Variants in HTR5A observed in about 807,000 individuals in gnomAD.
HTR5A encodes 5-HT-5.
A neutral mutation model predicts 24.3 loss-of-function variants in HTR5A; 21 were observed. The ratio of observed to expected loss-of-function variants is 0.86; its 90% CI spans 0.61 to 1.24. The LOEUF is 1.24. HTR5A is among the 50% of genes most tolerant of loss of function. HTR5A has a pLI of 0.00. For missense variants in HTR5A, 497 were observed against 489.5 expected (o/e 1.02, Z -0.15); for synonymous variants, 260 against 213.7 (o/e 1.22, Z -1.89).
In HTR5A at chr7:155,087,041, C is replaced by T. The variant is rs902142017; in HGVS notation, c.*2554C>T. Reference sequence around the variant, plus strand: ...CTCTTGTAGAATATGTCGAACAAAACGCACAGTTCTGCCCTCCTGCCTAAA... The same window carrying T: ...CTCTTGTAGAATATGTCGAACAAAATGCACAGTTCTGCCCTCCTGCCTAAA... On this transcript the variant is annotated 3_prime_UTR_variant, in exon 2 of 2. Transcript: ENST00000287907. Among the ~76,000 whole-genome samples the T allele has an allele frequency of 3.3e-5, 5 of 152,070 alleles. No homozygotes were observed. In the East Asian group the frequency reaches 5.8e-4, roughly 18 times the overall value.
At chr7:155,077,308 T>A (rs1300894388) in intron 1 of HTR5A, 1 of 152,196 alleles carries the variant, frequency 6.6e-6, no homozygotes, top group Admixed American at 6.5e-5. Flanking sequence ...CACACAGAAT[T>A]GTTAAAGATT....
chr7:155,082,256 A>G (rs1327317479), intron 1 of HTR5A, among the ~76,000 whole-genome samples: 1 of 152,162 alleles, frequency 6.6e-6, no homozygotes, highest in Non-Finnish European at 1.5e-5. Context: ...CAATGTGACC[A>G]GCATCCACAG....
chr7:155,073,714 G>A (rs1297015007), intron 1 of HTR5A, among the ~76,000 whole-genome samples: 1 of 151,748 alleles, frequency 6.6e-6, no homozygotes, highest in Non-Finnish European at 1.5e-5. Context: ...GAAGGAGAAA[G>A]TTAATTACAA....
At chr7:155,077,716 C>G (rs1369692776) in intron 1 of HTR5A, among the ~76,000 whole-genome samples, 1 of 152,196 alleles carries the variant, frequency 6.6e-6, no homozygotes, top group African/African-American at 2.4e-5. Context: ...CTGCCCACCT[C>G]AGCCTCCCAA....
rs753119 is a variant in HTR5A, at chr7:155,086,890, G to T, written c.*2403G>T. On this transcript the variant is annotated 3_prime_UTR_variant, in exon 2 of 2. Coordinates refer to ENST00000287907, the MANE Select transcript of HTR5A (RefSeq NM_024012.4). ...AAGTAATTGCTCAAAATAACTAATT[G>T]TGTTCCCGTGCCAGATTGCAACAAC... Among the ~76,000 whole-genome samples, 3 of 151,578 alleles carry T rather than the reference G, an allele frequency of 2.0e-5. No homozygotes were observed. Among genetic ancestry groups the T allele is most frequent in the Non-Finnish European group, 4.4e-5 (3 of 67,824 alleles).
rs938024096 is a variant in HTR5A, at chr7:155,084,035, C to T, written c.742-120C>T. 3.7e-5 allele frequency: 28 copies of T among 758,058 alleles called. No homozygotes were observed. The South Asian group carries it at 3.7e-4, about 10-fold the overall frequency. The allele number at this position is 758,058 out of a possible 1,614,324, so 47.0% of individuals were successfully genotyped here. ...GCCACAGGCCTTCAGGTTCCCACAC[C>T]TATCCATCGAAGACTTTCCCTTGAG... On this transcript the variant is annotated intron_variant, in intron 1 of 1. Coordinates refer to ENST00000287907, the MANE Select transcript of HTR5A (RefSeq NM_024012.4).
chr7:155,076,784 G>A (rs1795363514), intron 1 of HTR5A, among the ~76,000 whole-genome samples: 1 of 152,198 alleles, frequency 6.6e-6, no homozygotes, highest in Non-Finnish European at 1.5e-5. Flanking sequence ...CTTATTACAT[G>A]TGGTATATAA....
intron 1 of HTR5A, 55 bp from the exon 2 acceptor site, chr7:155,084,100 G>A (rs1795447852): frequency 1.4e-6 from 2 of 1,418,990 alleles, no homozygotes; most frequent in East Asian, 2.3e-5. Context: ...TCCAGGCTCA[G>A]CCTAGCAGGT....
At position 155,070,698 on chromosome 7, in the gene HTR5A, G is replaced by C. The variant is rs1795278822; in HGVS notation, c.-202G>C. On this transcript the variant is annotated 5_prime_UTR_variant, in exon 1 of 2. Coordinates refer to ENST00000287907, the MANE Select transcript of HTR5A (RefSeq NM_024012.4). ...GCTTCCTTAGCCTCTGAGGGCTTCA[G>C]ACCTGCCGCGCTTGCAGCCACACCA... 2 of 617,566 alleles carry C rather than the reference G, an allele frequency of 3.2e-6. No homozygotes were observed. Among genetic ancestry groups the C allele is most frequent in the Non-Finnish European group, 5.7e-6 (2 of 352,326 alleles). The allele number at this position is 617,566 out of a possible 1,614,324, so 38.3% of individuals were successfully genotyped here. A position where few individuals can be genotyped will look rare whatever the true frequency, so the allele number is the denominator to read the frequency against.
chr7:155,071,442 G>C lies in HTR5A; in HGVS notation c.543G>C (p.Trp181Cys), dbSNP rs773160169. Reference protein sequence around the residue: ...VISLAPLLFGWGETYSEGSEE... With the variant: ...VISLAPLLFGCGETYSEGSEE... ...CTCTGGCCCCGCTGCTTTTTGGCTG[G>C]GGAGAGACGTACTCTGAGGGCAGCG... is the stretch of plus-strand genomic sequence containing the variant. Residue 181 changes from tryptophan to cysteine, a missense_variant, in exon 1 of 2, where the codon TGG becomes TGC. Trp to Cys is a radical substitution (Grantham distance 215). Transcript: ENST00000287907. The C allele has an allele frequency of 5.6e-6, 9 of 1,614,064 alleles. No homozygotes were observed. The highest frequency in any genetic ancestry group is 8.5e-7 in the Non-Finnish European group (1 of 1,180,046).
Position 155,071,196 on chromosome 7 carries a change from G to A in HTR5A, c.297G>A (p.Val99=). 1 of 1,602,818 alleles carries A rather than the reference G, an allele frequency of 6.2e-7. No individual in the cohort carries two copies. The highest frequency in any genetic ancestry group is 8.5e-7 in the Non-Finnish European group (1 of 1,179,882). Residue 99 remains valine (V), a synonymous_variant, in exon 1 of 2, where the codon GTG becomes GTA. Coordinates refer to ENST00000287907, the MANE Select transcript of HTR5A (RefSeq NM_024012.4). ...VAALVMPLSL[V]HELSGRRWQL... ...CGCTGGTCATGCCGCTGAGCCTGGT[G>A]CACGAGCTGTCCGGGCGCCGCTGGC...
At chr7:155,082,259 A>G (rs1795426096) in intron 1 of HTR5A, among the ~76,000 whole-genome samples, 1 of 152,170 alleles carries the variant, frequency 6.6e-6, no homozygotes. Flanking sequence ...TGTGACCAGC[A>G]TCCACAGTGT....
chr7:155,077,466 G>GTTTTTTTTTTTTTTTTTTTTTTTTTTTT (rs11324160), intron 1 of HTR5A, among the ~76,000 whole-genome samples: 1 of 103,354 alleles, frequency 9.7e-6, no homozygotes. Context: ...TTTTTTTTTT[G>GTTTTTTTTTTTTTTTTTTTTTTTTTTTT]TTTTTTTTTT....
intron 1 of HTR5A, among the ~76,000 whole-genome samples, chr7:155,072,293 T>C (rs1795306045): frequency 6.6e-6 from 1 of 152,136 alleles, no homozygotes; most frequent in Non-Finnish European, 1.5e-5. Context: ...TCCACTGCCT[T>C]AGGGTGTTAC....
At position 155,086,613 on chromosome 7, in the gene HTR5A, A is replaced by G. The variant is rs891527523; in HGVS notation, c.*2126A>G. 6.6e-6 allele frequency among the ~76,000 whole-genome samples: 1 copy of G among 152,218 alleles called. No individual in the cohort carries two copies. The highest frequency in any genetic ancestry group is 2.4e-5 in the African/African-American group (1 of 41,468). ...CTCTCAGGTGTCACTTAAATTATACATTATATACAACATACTCCACATACA... is the reference window on the plus strand; with the variant it reads ...CTCTCAGGTGTCACTTAAATTATACGTTATATACAACATACTCCACATACA... On this transcript the variant is annotated 3_prime_UTR_variant, in exon 2 of 2. Transcript: ENST00000287907.
Position 155,084,757 on chromosome 7 carries a change from C to T in HTR5A, c.*270C>T, listed in dbSNP as rs750659363. ...GGTCTTTGCCCGCAAAGTGTCCTTTCCTCCCCAAATTCACTCTGGCATGGT... is the reference window on the plus strand; with the variant it reads ...GGTCTTTGCCCGCAAAGTGTCCTTTTCTCCCCAAATTCACTCTGGCATGGT... On this transcript the variant is annotated 3_prime_UTR_variant, in exon 2 of 2. Coordinates refer to ENST00000287907, the MANE Select transcript of HTR5A (RefSeq NM_024012.4). 55 of 404,076 alleles carry T rather than the reference C, an allele frequency of 1.4e-4. No homozygotes were observed. Among genetic ancestry groups the T allele is most frequent in the Non-Finnish European group, 2.0e-4 (46 of 228,758 alleles). 25.0% of individuals were successfully genotyped at this position (404,076 alleles called of 1,614,324 possible). A position where few individuals can be genotyped will look rare whatever the true frequency, so the allele number is the denominator to read the frequency against.
chr7:155,081,038 C>G (rs747902034), intron 1 of HTR5A, among the ~76,000 whole-genome samples: 2 of 152,180 alleles, frequency 1.3e-5, no homozygotes, highest in Non-Finnish European at 2.9e-5. Context: ...AAAACGTCTG[C>G]TTGTTATCAG....
rs188388144 is a variant in HTR5A at position 155,085,971 on chromosome 7, A to G, written c.*1484A>G. Among the ~76,000 whole-genome samples, 9 of 152,352 alleles carry G rather than the reference A, an allele frequency of 5.9e-5. No homozygotes were observed. The East Asian group carries it at 1.7e-3, about 29-fold the overall frequency. ...CTAAATGCAGATCTTTATGCATTCA[A>G]GCAGATTCATTGAGAAATTTAGTGA... On this transcript the variant is annotated 3_prime_UTR_variant, in exon 2 of 2. Coordinates refer to ENST00000287907, the MANE Select transcript of HTR5A (RefSeq NM_024012.4).
At chr7:155,080,044 T>C (rs1306339471) in intron 1 of HTR5A, among the ~76,000 whole-genome samples, 1 of 152,162 alleles carries the variant, frequency 6.6e-6, no homozygotes, top group Non-Finnish European at 1.5e-5. Flanking sequence ...TGGAAACTTA[T>C]CAAGCCAATG....
Sources: gnomAD v4.1 joint callset for allele counts (sites outside exome capture counted in the v4.1 genomes callset) on GRCh38, gnomAD v4.1.1 for gene constraint, MANE v1.5 for transcripts, NCBI Gene and HGNC (gene_info 2026-07-23, HGNC 2026-07-21) for gene names.